Variants in PARD3B observed in about 807,000 individuals in gnomAD.
PARD3B encodes par-3 family cell polarity regulator beta.
PARD3B carries 103 observed loss-of-function variants against 130.2 expected under a neutral mutation model. The ratio of observed to expected loss-of-function variants is 0.79; its 90% CI spans 0.67 to 0.93. The LOEUF is 0.93. Among genes scored for constraint, PARD3B ranks in the 40% least tolerant of loss-of-function variants. The pLI is 0.00. For missense variants in PARD3B, 1,609 were observed against 1,499.2 expected (o/e 1.07, Z -1.21); for synonymous variants, 583 against 553.2 (o/e 1.05, Z -0.76).
At chr2:205,070,933 CT>C (rs1700689859) in intron 4 of PARD3B, among the ~76,000 whole-genome samples, 2 of 152,044 alleles carry the variant, frequency 1.3e-5, no homozygotes, top group Non-Finnish European at 2.9e-5. Flanking sequence ...TAATGTAGAG[CT>C]TTCCACAGCT....
chr2:205,321,410 A>T lies in PARD3B; in HGVS notation c.2630+19709A>T, dbSNP rs2042747445. Among the ~76,000 whole-genome samples, 1 of 152,116 alleles carries T rather than the reference A, an allele frequency of 6.6e-6. No individual in the cohort carries two copies. The highest frequency in any genetic ancestry group is 1.5e-5 in the Non-Finnish European group (1 of 67,996). ...TATACCTTCCGCCCAGATTCCTCAG[A>T]TAGTAACATTTTTTCTGAATTAGCT... is the stretch of plus-strand genomic sequence containing the variant. On this transcript the variant is annotated intron_variant, in intron 18 of 22. Transcript: ENST00000406610. The surrounding 1 kb of genome is among the most constrained non-coding windows in gnomAD (Gnocchi z 4.2).
At chr2:205,390,341 G>A (rs1374530422) in intron 18 of PARD3B, among the ~76,000 whole-genome samples, 2 of 151,602 alleles carry the variant, frequency 1.3e-5, no homozygotes, top group Non-Finnish European at 2.9e-5. Flanking sequence ...GTGATGTGCA[G>A]CAGGTTTGGA....
Position 204,677,900 on chromosome 2 carries a change from TA to T in PARD3B, c.121-8280del, listed in dbSNP as rs2125225275. The stretch of plus-strand genomic sequence containing the variant: ...CTTATTCTTCTGAGGAAACTAGACT[TA>T]CTCTGAACAGCTTTTTGGTGGTCTT... On this transcript the variant is annotated intron_variant, in intron 1 of 22. Coordinates refer to ENST00000406610, the MANE Select transcript of PARD3B (RefSeq NM_001302769.2). This position sits in a 1 kb window ranked among gnomAD's most constrained non-coding sequence, Gnocchi z 4.1. 6.6e-6 allele frequency among the ~76,000 whole-genome samples: 1 copy of T among 152,348 alleles called. No individual in the cohort carries two copies. The highest frequency in any genetic ancestry group is 2.4e-5 in the African/African-American group (1 of 41,584).
At chr2:204,608,970 A>C (rs1357256102) in intron 1 of PARD3B, among the ~76,000 whole-genome samples, 2 of 152,194 alleles carry the variant, frequency 1.3e-5, no homozygotes, top group Admixed American at 1.3e-4. Flanking sequence ...CAGTTGTATA[A>C]TTATGGCTAT....
Position 205,176,656 on chromosome 2 carries a change from A to G in PARD3B, c.1924+79A>G. On this transcript the variant is annotated intron_variant, in intron 13 of 22. Transcript: ENST00000406610. This position sits in a 1 kb window ranked among gnomAD's most constrained non-coding sequence, Gnocchi z 5.3. ...GTCTTTTTATCTAAAAAAAAAAAAA[A>G]AGAGTAAAGGGGAGTTAATTAGACT... 4.7e-6 allele frequency: 6 copies of G among 1,289,490 alleles called. No individual in the cohort carries two copies. Among genetic ancestry groups the G allele is most frequent in the East Asian group, 2.7e-5 (1 of 36,842 alleles). 79.9% of individuals were successfully genotyped at this position (1,289,490 alleles called of 1,614,324 possible).
chr2:204,944,607 A>G (rs1444300171), intron 2 of PARD3B, among the ~76,000 whole-genome samples: 2 of 152,246 alleles, frequency 1.3e-5, no homozygotes, highest in African/African-American at 2.4e-5. Context: ...CAACTATTTT[A>G]TAATTTTATA....
intron 1 of PARD3B, among the ~76,000 whole-genome samples, chr2:204,639,499 T>G (rs1226266934): frequency 2.6e-5 from 4 of 152,322 alleles, no homozygotes; most frequent in Admixed American, 6.5e-5. Context: ...ACTTGGGGAA[T>G]AAATGGATGG....
chr2:205,161,597 A>G (rs564974382), intron 11 of PARD3B, among the ~76,000 whole-genome samples: 3 of 152,316 alleles, frequency 2.0e-5, no homozygotes, highest in East Asian at 3.9e-4. Flanking sequence ...CACCCATTCT[A>G]TGATTCAGGA....
intron 21 of PARD3B, among the ~76,000 whole-genome samples, chr2:205,511,760 T>TAG (rs1241993448): frequency 6.6e-6 from 1 of 152,234 alleles, no homozygotes; most frequent in African/African-American, 2.4e-5. Flanking sequence ...AACTGGTATT[T>TAG]ATAGCACATG....
intron 21 of PARD3B, among the ~76,000 whole-genome samples, chr2:205,514,874 A>T (rs1387246078): frequency 6.8e-6 from 1 of 146,462 alleles, no homozygotes; most frequent in African/African-American, 2.5e-5. Context: ...GGTACATGCG[A>T]AGGTTTGTTA....
intron 1 of PARD3B, among the ~76,000 whole-genome samples, chr2:204,653,338 C>A (rs994461592): frequency 4.0e-5 from 6 of 150,750 alleles, no homozygotes; most frequent in African/African-American, 1.5e-4. Flanking sequence ...GTAACCCCTT[C>A]TGTTAGATAT....
chr2:205,329,334 T>C (rs1488270433), intron 18 of PARD3B, among the ~76,000 whole-genome samples: 1 of 152,238 alleles, frequency 6.6e-6, no homozygotes, highest in Non-Finnish European at 1.5e-5. Flanking sequence ...ATGGGTGAAG[T>C]AGCTCCTATT....
intron 2 of PARD3B, among the ~76,000 whole-genome samples, chr2:204,746,604 A>G (rs543052729): frequency 6.6e-6 from 1 of 152,148 alleles, no homozygotes. Flanking sequence ...CCAACGGTGT[A>G]AAAGTGTTCC....
chr2:205,270,433 G>T (rs2040678122), intron 16 of PARD3B, among the ~76,000 whole-genome samples: 1 of 152,046 alleles, frequency 6.6e-6, no homozygotes, highest in Non-Finnish European at 1.5e-5. Context: ...CAAGTATCAT[G>T]TCACGTGTCT....
chr2:205,344,984 A>C (rs2105822600), intron 18 of PARD3B, among the ~76,000 whole-genome samples: 1 of 152,304 alleles, frequency 6.6e-6, no homozygotes, highest in Non-Finnish European at 1.5e-5. Context: ...GAACAATTTT[A>C]ATGTATTTTT....
intron 21 of PARD3B, among the ~76,000 whole-genome samples, chr2:205,540,244 C>G (rs924547512): frequency 6.6e-6 from 1 of 151,866 alleles, no homozygotes; most frequent in Non-Finnish European, 1.5e-5. Flanking sequence ...AAAAAAAACA[C>G]TGTGAATTGG....
At chr2:204,779,617 T>G (rs2125449472) in intron 2 of PARD3B, among the ~76,000 whole-genome samples, 1 of 152,290 alleles carries the variant, frequency 6.6e-6, no homozygotes, top group Non-Finnish European at 1.5e-5. Flanking sequence ...GCTGGTAATC[T>G]TTGCCTTTTG....
intron 2 of PARD3B, among the ~76,000 whole-genome samples, chr2:204,910,534 A>C (rs1183108992): frequency 6.6e-6 from 1 of 152,254 alleles, no homozygotes; most frequent in Non-Finnish European, 1.5e-5. Context: ...CTGAAAAAAG[A>C]ATAAAAAGTT....
chr2:204,691,318 C>G (rs1036131236), intron 2 of PARD3B, among the ~76,000 whole-genome samples: 1 of 152,018 alleles, frequency 6.6e-6, no homozygotes, highest in Non-Finnish European at 1.5e-5. Flanking sequence ...ATTAACTGTA[C>G]AAAAGTAATA....
Sources: allele counts gnomAD v4.1 joint callset (sites outside exome capture counted in the v4.1 genomes callset), GRCh38; gene constraint gnomAD v4.1.1; non-coding constraint Gnocchi (gnomAD v3.1); transcripts MANE v1.5; gene names NCBI Gene and HGNC (gene_info 2026-07-23, HGNC 2026-07-21).